The following PLCB1 variants were observed in gnomAD, a reference collection of about 807,000 sequenced individuals.
PLCB1 encodes the protein 1-phosphatidylinositol 4,5-bisphosphate phosphodiesterase beta-1.
In PLCB1, 46 loss-of-function variants were observed where a neutral mutation model predicts 161.8. That is an observed-to-expected ratio of 0.28 (90% CI 0.22 to 0.36). The LOEUF is 0.36. PLCB1 is among the 10% of genes least tolerant of loss of function. The pLI is 1.00. For missense variants in PLCB1, 1,016 were observed against 1,472.5 expected (o/e 0.69, Z 5.07); for synonymous variants, 517 against 503.7 (o/e 1.03, Z -0.35).
In PLCB1 at chr20:8,514,951, AC is replaced by A. The variant is rs1357206834; in HGVS notation, c.247-113340del. On this transcript the variant is annotated intron_variant, in intron 3 of 31. Transcript: ENST00000338037. ...CTAAGATTCTGAGTTTCCAATAAGT[AC>A]CCAGGTGATAGTAATGCTACTGGCC... Among the ~76,000 whole-genome samples, 3 of 152,256 alleles carry A rather than the reference AC, an allele frequency of 2.0e-5. No homozygotes were observed. In the East Asian group the frequency reaches 5.8e-4, roughly 29 times the overall value.
chr20:8,864,661 A>G (rs1254332597), intron 31 of PLCB1, among the ~76,000 whole-genome samples: 1 of 152,208 alleles, frequency 6.6e-6, no homozygotes, highest in Non-Finnish European at 1.5e-5. Flanking sequence ...TATTCCAAGT[A>G]TTGCAGTATG....
intron 9 of PLCB1, among the ~76,000 whole-genome samples, chr20:8,676,899 G>A (rs940029486): frequency 6.6e-6 from 1 of 152,160 alleles, no homozygotes; most frequent in Non-Finnish European, 1.5e-5. Flanking sequence ...TATCATTAAT[G>A]TCCATAGAAA....
chr20:8,644,005 C>G (rs1451033298), intron 4 of PLCB1, among the ~76,000 whole-genome samples: 4 of 152,202 alleles, frequency 2.6e-5, no homozygotes, highest in East Asian at 1.9e-4. Context: ...CTGTGTTGGC[C>G]GGGCTGGTCT....
intron 3 of PLCB1, among the ~76,000 whole-genome samples, chr20:8,624,214 T>C (rs1988267162): frequency 6.6e-6 from 1 of 152,218 alleles, no homozygotes; most frequent in South Asian, 2.1e-4. Context: ...ATATGCTTGA[T>C]GATTGATAGG....
chr20:8,132,371 G>C lies in PLCB1; in HGVS notation c.-281G>C. The C allele has an allele frequency of 3.8e-6, 1 of 261,512 alleles. No individual in the cohort carries two copies. Among genetic ancestry groups the C allele is most frequent in the East Asian group, 7.1e-5 (1 of 14,162 alleles). The allele number at this position is 261,512 out of a possible 1,614,324, so 16.2% of individuals were successfully genotyped here. A position where few individuals can be genotyped will look rare whatever the true frequency, so the allele number is the denominator to read the frequency against. ...CGCGACTGGCAGCCTCGGCTGACCGGCTCGGCTTCTCTTCGCCTTCCGAGG... is the reference window on the plus strand; with the variant it reads ...CGCGACTGGCAGCCTCGGCTGACCGCCTCGGCTTCTCTTCGCCTTCCGAGG... On this transcript the variant is annotated 5_prime_UTR_variant, in exon 1 of 32. Transcript: ENST00000338037. The surrounding 1 kb of genome is among the most constrained non-coding windows in gnomAD (Gnocchi z 5.2).
chr20:8,142,970 G>C (rs907125782), intron 1 of PLCB1, among the ~76,000 whole-genome samples: 1 of 152,024 alleles, frequency 6.6e-6, no homozygotes, highest in Non-Finnish European at 1.5e-5. Context: ...ATATTTTGGA[G>C]CTCGACCTTC....
At chr20:8,446,997 A>G (rs1238938764) in intron 3 of PLCB1, among the ~76,000 whole-genome samples, 2 of 152,260 alleles carry the variant, frequency 1.3e-5, no homozygotes, top group Non-Finnish European at 2.9e-5. Context: ...CTAGATACGT[A>G]GAATAGAAAT....
intron 3 of PLCB1, among the ~76,000 whole-genome samples, chr20:8,390,995 T>C (rs1450332357): frequency 6.6e-6 from 1 of 151,822 alleles, no homozygotes; most frequent in Non-Finnish European, 1.5e-5. Context: ...GTCACATCCA[T>C]TGTTTGTCTA....
intron 2 of PLCB1, among the ~76,000 whole-genome samples, chr20:8,292,039 C>T (rs988083001): frequency 2.0e-5 from 3 of 152,036 alleles, no homozygotes; most frequent in Non-Finnish European, 2.9e-5. Flanking sequence ...GGAGAAAATG[C>T]CATAGAGTCC....
At chr20:8,753,199 A>G (rs1428736946) in intron 23 of PLCB1, among the ~76,000 whole-genome samples, 1 of 152,142 alleles carries the variant, frequency 6.6e-6, no homozygotes, top group Non-Finnish European at 1.5e-5. Context: ...CTGATTCTAC[A>G]TTATGGTGAG....
chr20:8,135,108 TAGTGAGA>T (rs2041134984), intron 1 of PLCB1, among the ~76,000 whole-genome samples: 2 of 152,150 alleles, frequency 1.3e-5, no homozygotes, highest in South Asian at 4.1e-4. Flanking sequence ...TATTGTACCT[TAGTGAGA>T]CAGTGTGTTG....
At chr20:8,785,629 A>G (rs1019818651) in intron 27 of PLCB1, among the ~76,000 whole-genome samples, 3 of 152,068 alleles carry the variant, frequency 2.0e-5, no homozygotes, top group Non-Finnish European at 4.4e-5. Flanking sequence ...CAGACAGGGA[A>G]CTTCTGGGGA....
At chr20:8,691,867 G>T (rs1990487320) in intron 10 of PLCB1, among the ~76,000 whole-genome samples, 1 of 152,074 alleles carries the variant, frequency 6.6e-6, no homozygotes. Flanking sequence ...GGTGATTTTG[G>T]CAGTACCCTC....
At chr20:8,344,154 G>T (rs1385158809) in intron 2 of PLCB1, among the ~76,000 whole-genome samples, 1 of 152,186 alleles carries the variant, frequency 6.6e-6, no homozygotes, top group African/African-American at 2.4e-5. Flanking sequence ...TGTTTGTTTT[G>T]TTGGGGGATC....
chr20:8,238,910 G>A (rs1309410203), intron 2 of PLCB1, among the ~76,000 whole-genome samples: 6 of 151,822 alleles, frequency 4.0e-5, no homozygotes, highest in Non-Finnish European at 5.9e-5. Flanking sequence ...CTAAGGCCTG[G>A]GGAGGAATGG....
chr20:8,750,365 C>A (rs1306423505), intron 23 of PLCB1, among the ~76,000 whole-genome samples: 1 of 152,030 alleles, frequency 6.6e-6, no homozygotes, highest in East Asian at 1.9e-4. Flanking sequence ...TCTAACTCAC[C>A]CTGGTAGACT....
intron 23 of PLCB1, among the ~76,000 whole-genome samples, chr20:8,755,796 A>G (rs563807895): frequency 2.8e-4 from 43 of 152,308 alleles, no homozygotes; most frequent in African/African-American, 1.0e-3. Context: ...TTAGTCAGGG[A>G]GGGAAGGAAG....
chr20:8,754,917 C>T lies in PLCB1; in HGVS notation c.2524-2129C>T, dbSNP rs562152211. Among the ~76,000 whole-genome samples, 7 of 152,370 alleles carry T rather than the reference C, an allele frequency of 4.6e-5. No homozygotes were observed. In the East Asian group the frequency reaches 1.3e-3, roughly 29 times the overall value. The stretch of plus-strand genomic sequence containing the variant: ...CTTGCTGAACAACACATACACAATC[C>T]TTTCCCTTTGCATATAATTCTAGGG... On this transcript the variant is annotated intron_variant, in intron 23 of 31. Coordinates refer to ENST00000338037, the MANE Select transcript of PLCB1 (RefSeq NM_015192.4).
In PLCB1 at chr20:8,628,365, G is replaced by A; in HGVS notation, c.318G>A (p.Val106=). The A allele has an allele frequency of 6.2e-7, 1 of 1,614,126 alleles. No homozygotes were observed. The highest frequency in any genetic ancestry group is 8.5e-7 in the Non-Finnish European group (1 of 1,179,988). ...TGGAGCAGCGCATGATCACAGTGGT[G>A]TATGGGCCTGACCTCGTGAACATCT... The part of the protein sequence containing the change: ...GRLEQRMITV[V]YGPDLVNISH... The change falls in exon 4 of 32, where the codon GTG becomes GTA. Residue 106 remains valine (V), a synonymous_variant. Coordinates refer to ENST00000338037, the MANE Select transcript of PLCB1 (RefSeq NM_015192.4).
Sources: gnomAD v4.1 joint callset for allele counts (sites outside exome capture counted in the v4.1 genomes callset) on GRCh38, gnomAD v4.1.1 for gene constraint, Gnocchi (gnomAD v3.1) non-coding constraint, MANE v1.5 for transcripts, NCBI Gene and HGNC (gene_info 2026-07-23, HGNC 2026-07-21) for gene names.